The following SPCS2 variants were observed in gnomAD, a reference collection of about 807,000 sequenced individuals.
SPCS2 encodes signal peptidase complex subunit 2.
A neutral mutation model predicts 22.3 loss-of-function variants in SPCS2; 3 were observed. The ratio of observed to expected loss-of-function variants is 0.13; its 90% CI spans 0.06 to 0.35. The LOEUF (loss-of-function observed/expected upper bound fraction) is 0.35. SPCS2 is among the 10% of genes least tolerant of loss of function. SPCS2 has a pLI of 1.00. For missense variants in SPCS2, 169 were observed against 280.9 expected (o/e 0.60, Z 2.85); for synonymous variants, 67 against 97.2 (o/e 0.69, Z 1.83).
At chr11:74,954,426 G>T (rs189291204) in intron 1 of SPCS2, among the ~76,000 whole-genome samples, 43 of 152,294 alleles carry the variant, frequency 2.8e-4, no homozygotes, top group African/African-American at 9.1e-4. Context: ...GCTAGCTAAC[G>T]TAGTAGTGGG....
At chr11:74,957,883 G>C (rs1480147574) in intron 1 of SPCS2, among the ~76,000 whole-genome samples, 1 of 152,212 alleles carries the variant, frequency 6.6e-6, no homozygotes, top group African/African-American at 2.4e-5. Flanking sequence ...TTAGTTGCTA[G>C]TAGTGAAAGG....
chr11:74,968,174 C>CT (rs1405481507), intron 3 of SPCS2: 1 of 152,110 alleles, frequency 6.6e-6, no homozygotes, highest in East Asian at 1.9e-4. Flanking sequence ...TGAAATTTAT[C>CT]TATTTTTTAA....
chr11:74,959,095 TA>T, intron 1 of SPCS2, among the ~76,000 whole-genome samples: 2 of 152,286 alleles, frequency 1.3e-5, no homozygotes, highest in Non-Finnish European at 2.9e-5. Flanking sequence ...TAAACTGGGA[TA>T]AAGGAGAGAA....
At chr11:74,949,776 C>T (rs3829935) in intron 1 of SPCS2, 8 of 404,562 alleles carry the variant, frequency 2.0e-5, no homozygotes, top group Non-Finnish European at 3.5e-5. Flanking sequence ...AATCAGTATC[C>T]CCCAAACTCT....
chr11:74,965,731 C>G, intron 2 of SPCS2, 32 bp from the exon 3 acceptor site: 1 of 1,573,858 alleles, frequency 6.4e-7, no homozygotes, highest in Non-Finnish European at 8.7e-7. Flanking sequence ...GGAAGTATTC[C>G]TATTAGCTTG....
intron 4 of SPCS2, among the ~76,000 whole-genome samples, chr11:74,976,027 G>A (rs1948611601): frequency 6.6e-6 from 1 of 152,186 alleles, no homozygotes; most frequent in Admixed American, 6.5e-5. Flanking sequence ...AGTTCATTTA[G>A]TAAAGCAGTT....
At chr11:74,965,973 TCTG>T (rs746052672) in intron 3 of SPCS2, 50 bp downstream of exon 3, 24 of 1,528,268 alleles carry the variant, frequency 1.6e-5, no homozygotes, top group Admixed American at 8.6e-5. Flanking sequence ...TTTTTTTAAA[TCTG>T]CTGATATTTC....
chr11:74,976,749 C>A, intron 4 of SPCS2, 108 bp from the exon 5 acceptor site: 1 of 1,384,814 alleles, frequency 7.2e-7, no homozygotes, highest in Non-Finnish European at 1.0e-6. Context: ...TTCCCTGTAT[C>A]ACCGTGCCCA....
rs558457697 is a variant in SPCS2, at chr11:74,952,137, A to G, written c.114+2738A>G. Among the ~76,000 whole-genome samples the G allele has an allele frequency of 1.3e-3, 203 of 152,294 alleles. 1 individual carries two copies. Among genetic ancestry groups the G allele is most frequent in the African/African-American group, 4.7e-3 (196 of 41,570 alleles). On this transcript the variant is annotated intron_variant, in intron 1 of 4. Transcript: ENST00000263672. ...ATTCAGATGGTTTGGAGAGACAGAA[A>G]TTAGAAGACTTCTTAATAAGGCCGT...
At chr11:74,958,675 G>A (rs775300056) in intron 1 of SPCS2, among the ~76,000 whole-genome samples, 26 of 152,006 alleles carry the variant, frequency 1.7e-4, no homozygotes, top group Non-Finnish European at 3.1e-4. Flanking sequence ...ATGACATGAT[G>A]GCTCCAACAA....
In SPCS2 at chr11:74,969,629, G is replaced by A. The variant is rs759670859; in HGVS notation, c.424G>A (p.Val142Met). Residue 142 changes from valine (V) to methionine (M), a missense_variant, in exon 4 of 5, where the codon GTG (valine) becomes ATG (methionine). By Grantham distance (21) the Val-to-Met change is conservative (BLOSUM62 1). Transcript: ENST00000263672. ...ATATAAGGAGAAGAGCATCTTTCTCGTGGCCCACAGGAAAGATCCTACAGG... is the reference window on the plus strand; with the variant it reads ...ATATAAGGAGAAGAGCATCTTTCTCATGGCCCACAGGAAAGATCCTACAGG... Reference protein sequence around the residue: ...TSYKEKSIFLVAHRKDPTGMD... With the variant: ...TSYKEKSIFLMAHRKDPTGMD... The A allele has an allele frequency of 1.9e-6, 3 of 1,613,416 alleles. No individual in the cohort carries two copies. Among genetic ancestry groups the A allele is most frequent in the Non-Finnish European group, 2.5e-6 (3 of 1,179,462 alleles).
At chr11:74,972,028 C>A (rs1007437633) in intron 4 of SPCS2, among the ~76,000 whole-genome samples, 1 of 152,124 alleles carries the variant, frequency 6.6e-6, no homozygotes, top group Non-Finnish European at 1.5e-5. Flanking sequence ...ATACCTTAGT[C>A]TTCCTTAACA....
At chr11:74,957,153 G>C (rs1395148634) in intron 1 of SPCS2, among the ~76,000 whole-genome samples, 1 of 152,048 alleles carries the variant, frequency 6.6e-6, no homozygotes, top group African/African-American at 2.4e-5. Context: ...ACAGTGCTTG[G>C]CACATAGCAA....
chr11:74,950,250 C>T (rs576268668), intron 1 of SPCS2, among the ~76,000 whole-genome samples: 1 of 152,296 alleles, frequency 6.6e-6, no homozygotes, highest in South Asian at 2.1e-4. Context: ...CTTGCTCTCT[C>T]TATATCTGTT....
chr11:74,951,486 A>G (rs894325178), intron 1 of SPCS2, among the ~76,000 whole-genome samples: 1 of 152,120 alleles, frequency 6.6e-6, no homozygotes, highest in Non-Finnish European at 1.5e-5. Context: ...AATGAGAGAA[A>G]TAGAGTGAAC....
At chr11:74,952,894 G>A (rs1156678471) in intron 1 of SPCS2, among the ~76,000 whole-genome samples, 2 of 152,094 alleles carry the variant, frequency 1.3e-5, no homozygotes, top group Non-Finnish European at 2.9e-5. Context: ...ACTGCACATG[G>A]GAATTAAGCT....
At chr11:74,951,529 G>A (rs921484284) in intron 1 of SPCS2, among the ~76,000 whole-genome samples, 6 of 152,094 alleles carry the variant, frequency 3.9e-5, no homozygotes, top group African/African-American at 9.6e-5. Flanking sequence ...TAAGAGCCTC[G>A]GCCGGGCGCA....
intron 1 of SPCS2, among the ~76,000 whole-genome samples, chr11:74,960,104 G>C (rs564073859): frequency 2.0e-5 from 3 of 152,142 alleles, no homozygotes; most frequent in African/African-American, 7.2e-5. Flanking sequence ...GCTGAGGTAC[G>C]TGGATCACTT....
intron 1 of SPCS2, 154 bp downstream of exon 1, chr11:74,949,553 C>A (rs538861662): frequency 4.2e-6 from 3 of 714,862 alleles, no homozygotes; most frequent in Admixed American, 2.0e-5. Context: ...TTGGAGCCTG[C>A]CCTTGCCCTC....
Sources: gnomAD v4.1 joint callset for allele counts (sites outside exome capture counted in the v4.1 genomes callset) on GRCh38, gnomAD v4.1.1 for gene constraint, MANE v1.5 for transcripts, NCBI Gene and HGNC (gene_info 2026-07-23, HGNC 2026-07-21) for gene names.